CXADR: variants seen among roughly 807,000 people sequenced by gnomAD.
The protein encoded by CXADR is CXADR cell adhesion molecule.
A neutral mutation model predicts 40.3 loss-of-function variants in CXADR; 20 were observed. The ratio of observed to expected loss-of-function variants is 0.50; its 90% CI spans 0.35 to 0.72. The LOEUF (loss-of-function observed/expected upper bound fraction) is 0.72, where lower values mean the gene tolerates loss of function less well. CXADR is among the 30% of genes least tolerant of loss of function. CXADR has a pLI of 0.01. For missense variants in CXADR, 332 were observed against 449.1 expected (o/e 0.74, Z 2.36); for synonymous variants, 150 against 161.3 (o/e 0.93, Z 0.53).
chr21:17,591,505 A>C (rs190458602), intron 7 of CXADR, among the ~76,000 whole-genome samples: 2 of 152,012 alleles, frequency 1.3e-5, no homozygotes, highest in Non-Finnish European at 1.5e-5. Flanking sequence ...TTGGAACCAC[A>C]GAAGTTTACT....
At position 17,569,870 on chromosome 21, in the gene CXADR, G is replaced by A. The variant is rs145160372; in HGVS notation, c.*4178G>A. On this transcript the variant is annotated 3_prime_UTR_variant, in exon 7 of 7. Transcript: ENST00000284878. ...GATTCACTTATTCTTTTCCCTAATT[G>A]TGAATTTTAGTGATAAATACACCTG... The A allele has an allele frequency of 4.9e-5, 48 of 984,972 alleles. No individual in the cohort carries two copies. In the East Asian group the frequency reaches 5.1e-3, roughly 105 times the overall value. 61.0% of individuals were successfully genotyped at this position (984,972 alleles called of 1,614,324 possible). A position where few individuals can be genotyped will look rare whatever the true frequency, so the allele number is the denominator to read the frequency against.
downstream of CXADR, among the ~76,000 whole-genome samples, chr21:17,574,377 C>T (rs1310090266): frequency 2.4e-5 from 1 of 42,186 alleles, no homozygotes; most frequent in Non-Finnish European, 5.9e-5. Flanking sequence ...TGAGTTTATC[C>T]TGAATATTTT....
intron 7 of CXADR, among the ~76,000 whole-genome samples, chr21:17,592,779 TA>T (rs1397596517): frequency 1.3e-5 from 2 of 151,916 alleles, no homozygotes; most frequent in Non-Finnish European, 2.9e-5. Context: ...AGAGAGATGT[TA>T]AAATTGTGTA....
rs1474833850 is a variant in CXADR, at chr21:17,551,851, A to G, written c.313A>G (p.Ile105Val). 6 of 1,613,864 alleles carry G rather than the reference A, an allele frequency of 3.7e-6. No homozygotes were observed. The highest frequency in any genetic ancestry group is 3.3e-4 in the Middle Eastern group (2 of 6,078). Reference protein sequence around the residue: ...SNDLKSGDASINVTNLQLSDI... With the variant: ...SNDLKSGDASVNVTNLQLSDI... Reference sequence around the variant, plus strand: ...TGATCTCAAATCTGGTGATGCATCAATAAATGTAACGAATTTACAACTGTC... The same window carrying G: ...TGATCTCAAATCTGGTGATGCATCAGTAAATGTAACGAATTTACAACTGTC... The change falls in exon 3 of 7, where the codon ATA (isoleucine) becomes GTA (valine). Residue 105 changes from isoleucine to valine, a missense_variant. Physicochemically the swap from Ile to Val is conservative, Grantham distance 29 (BLOSUM62 3). This residue lies in a region of CXADR where 162 missense variants were observed against 198.5 expected (regional missense o/e 0.82). Transcript: ENST00000284878.
chr21:17,537,695 C>A (rs576538506), intron 1 of CXADR, among the ~76,000 whole-genome samples: 1 of 151,652 alleles, frequency 6.6e-6, no homozygotes. Flanking sequence ...GTTTCCTCAG[C>A]GATAGAAAAA....
chr21:17,567,026 A>G lies in CXADR; in HGVS notation c.*1334A>G, dbSNP rs921251638. Reference sequence around the variant, plus strand: ...TACTCCTCCTTGCCAAATGTGCTAAATATCATTTTAGGAGAAGAAAGTGGG... The same window carrying G: ...TACTCCTCCTTGCCAAATGTGCTAAGTATCATTTTAGGAGAAGAAAGTGGG... On this transcript the variant is annotated 3_prime_UTR_variant, in exon 7 of 7. Coordinates refer to ENST00000284878, the MANE Select transcript of CXADR (RefSeq NM_001338.5). The G allele has an allele frequency of 4.1e-6, 4 of 982,004 alleles. No homozygotes were observed. Among genetic ancestry groups the G allele is most frequent in the Non-Finnish European group, 4.8e-6 (4 of 826,960 alleles). 60.8% of individuals were successfully genotyped at this position (982,004 alleles called of 1,614,324 possible). A position where few individuals can be genotyped will look rare whatever the true frequency, so the allele number is the denominator to read the frequency against.
chr21:17,537,018 A>G lies in CXADR; in HGVS notation c.44-10009A>G, dbSNP rs572183631. Among the ~76,000 whole-genome samples, 4 of 152,316 alleles carry G rather than the reference A, an allele frequency of 2.6e-5. No homozygotes were observed. In the East Asian group the frequency reaches 5.8e-4, roughly 22 times the overall value. Reference sequence around the variant, plus strand: ...AATGATCCGCCCGTCTCAGCCTCCCAAAGTGCTGGGATTACAGGCATGAGC... The same window carrying G: ...AATGATCCGCCCGTCTCAGCCTCCCGAAGTGCTGGGATTACAGGCATGAGC... On this transcript the variant is annotated intron_variant, in intron 1 of 6. Coordinates refer to ENST00000284878, the MANE Select transcript of CXADR (RefSeq NM_001338.5).
the CXADR span, among the ~76,000 whole-genome samples, chr21:17,601,312 G>A: frequency 2.6e-5 from 4 of 152,270 alleles, no homozygotes; most frequent in Admixed American, 1.3e-4. Context: ...GAGGAAGCTG[G>A]AGCTGGCTAG....
chr21:17,598,648 G>C, the CXADR span: 1 of 1,614,026 alleles, frequency 6.2e-7, no homozygotes, highest in Non-Finnish European at 8.5e-7. Context: ...TGCAGTCACC[G>C]AACTGGGTTT....
At chr21:17,634,017 C>T in the CXADR span, among the ~76,000 whole-genome samples, 1 of 152,168 alleles carries the variant, frequency 6.6e-6, no homozygotes, top group African/African-American at 2.4e-5. Context: ...GTTCCTTTTG[C>T]CCTTACAACA....
rs932802045 is a variant in CXADR, at chr21:17,566,520, T to G, written c.*828T>G. 16 of 985,290 alleles carry G rather than the reference T, an allele frequency of 1.6e-5. No individual in the cohort carries two copies. Among genetic ancestry groups the G allele is most frequent in the Non-Finnish European group, 1.9e-5 (16 of 829,914 alleles). The allele number at this position is 985,290 out of a possible 1,614,324, so 61.0% of individuals were successfully genotyped here. On this transcript the variant is annotated 3_prime_UTR_variant, in exon 7 of 7. Transcript: ENST00000284878. The stretch of plus-strand genomic sequence containing the variant: ...GTCTTCAAAATGGTGGCCAGCCAGA[T>G]CAAGGATGTAGTATCTCATAGTTCC...
chr21:17,595,660 A>G (rs866202970), downstream of CXADR, among the ~76,000 whole-genome samples: 31 of 152,150 alleles, frequency 2.0e-4, no homozygotes, highest in African/African-American at 7.0e-4. Flanking sequence ...GTAATGGGAC[A>G]TTGAGGCTGT....
intron 3 of CXADR, among the ~76,000 whole-genome samples, chr21:17,553,708 G>A (rs539894077): frequency 4.3e-4 from 64 of 147,534 alleles, no homozygotes; most frequent in Non-Finnish European, 7.0e-4. Flanking sequence ...GGCAACCTCC[G>A]CCTCCTGGGT....
intron 1 of CXADR, among the ~76,000 whole-genome samples, chr21:17,526,911 A>C (rs17001775): frequency 0.018 from 2,695 of 152,234 alleles, 84 homozygotes; most frequent in African/African-American, 0.062. Context: ...GCGAGCTGCA[A>C]GTTTTATATG....
chr21:17,597,632 C>T (rs910906497), downstream of CXADR, among the ~76,000 whole-genome samples: 114 of 151,638 alleles, frequency 7.5e-4, no homozygotes, highest in South Asian at 4.2e-4. Flanking sequence ...ATGTTATATA[C>T]ATATACATAT....
At chr21:17,612,297 T>C in the CXADR span, 1 of 152,086 alleles carries the variant, frequency 6.6e-6, no homozygotes, top group African/African-American at 2.4e-5. Context: ...AGGACCCGGC[T>C]TCCCGGAGGC....
the CXADR span, among the ~76,000 whole-genome samples, chr21:17,614,951 T>C: frequency 6.6e-6 from 1 of 152,170 alleles, no homozygotes. Flanking sequence ...AAATCACAAA[T>C]GAATTGGTAT....
At chr21:17,624,421 T>G in the CXADR span, among the ~76,000 whole-genome samples, 1 of 152,192 alleles carries the variant, frequency 6.6e-6, no homozygotes, top group Non-Finnish European at 1.5e-5. Context: ...GTTTCGTCAC[T>G]GGTGTCAGCT....
chr21:17,564,479 A>AG (rs2061175231), intron 6 of CXADR, among the ~76,000 whole-genome samples: 1 of 152,112 alleles, frequency 6.6e-6, no homozygotes, highest in African/African-American at 2.4e-5. Context: ...AATAATGACA[A>AG]GAAAAAAGCT....
Sources: gnomAD v4.1 joint callset for allele counts (sites outside exome capture counted in the v4.1 genomes callset) on GRCh38, gnomAD v4.1.1 for gene constraint, gnomAD v4.1.1 regional missense constraint, MANE v1.5 for transcripts, NCBI Gene and HGNC (gene_info 2026-07-23, HGNC 2026-07-21) for gene names.